The following PCDHAC1 variants were observed in gnomAD, a reference collection of about 807,000 sequenced individuals.
PCDHAC1 encodes protocadherin alpha-C1.
PCDHAC1 carries 42 observed loss-of-function variants against 60.0 expected under a neutral mutation model. The observed-to-expected ratio is 0.70, with a 90% CI of 0.55 to 0.90. The LOEUF is 0.90. PCDHAC1 is among the 40% of genes least tolerant of loss of function. The pLI, the probability that PCDHAC1 is intolerant of heterozygous loss-of-function variation, is 0.00. For missense variants in PCDHAC1, 1,160 were observed against 1,222.3 expected (o/e 0.95, Z 0.76); for synonymous variants, 468 against 499.3 (o/e 0.94, Z 0.84).
chr5:140,951,183 G>A (rs1554219780), intron 1 of PCDHAC1, among the ~76,000 whole-genome samples: 3 of 151,518 alleles, frequency 2.0e-5, no homozygotes, highest in Admixed American at 6.6e-5. Flanking sequence ...GTCATTGTCC[G>A]CTAATTCCCA....
chr5:140,939,090 A>C (rs1563171940), intron 1 of PCDHAC1, among the ~76,000 whole-genome samples: 1 of 152,192 alleles, frequency 6.6e-6, no homozygotes, highest in Non-Finnish European at 1.5e-5. Flanking sequence ...GGGTGGCTTA[A>C]AAACAATAGA....
intron 3 of PCDHAC1, among the ~76,000 whole-genome samples, chr5:141,000,421 A>ATTTTTTTTTTT (rs34755515): frequency 3.6e-5 from 1 of 27,968 alleles, no homozygotes; most frequent in Non-Finnish European, 5.7e-5. Context: ...ATATATATAT[A>ATTTTTTTTTTT]TTTTTTTTTT....
intron 1 of PCDHAC1, among the ~76,000 whole-genome samples, chr5:140,959,469 A>G (rs1180811354): frequency 5.3e-5 from 8 of 152,226 alleles, no homozygotes; most frequent in East Asian, 1.9e-4. Context: ...GTTGGCATCA[A>G]TCAAGGCATA....
At chr5:140,982,317 AG>A in intron 2 of PCDHAC1, 157 bp from the exon 3 acceptor site, 1 of 1,347,244 alleles carries the variant, frequency 7.4e-7, no homozygotes, top group East Asian at 2.5e-5. Flanking sequence ...CAGTTTATGC[AG>A]GGTGACTGCT....
At chr5:140,992,954 C>T (rs1174073844) in intron 3 of PCDHAC1, among the ~76,000 whole-genome samples, 4 of 152,190 alleles carry the variant, frequency 2.6e-5, no homozygotes, top group Non-Finnish European at 5.9e-5. Context: ...TTAAATCACC[C>T]CTTATACTGC....
At chr5:140,947,998 T>C (rs2094201986) in intron 1 of PCDHAC1, among the ~76,000 whole-genome samples, 1 of 122,112 alleles carries the variant, frequency 8.2e-6, no homozygotes, top group Admixed American at 8.2e-5. Flanking sequence ...AAATACTTTA[T>C]TAAATTTAGG....
At chr5:140,941,563 C>T (rs2093116700) in intron 1 of PCDHAC1, among the ~76,000 whole-genome samples, 1 of 151,946 alleles carries the variant, frequency 6.6e-6, no homozygotes, top group Admixed American at 6.6e-5. Context: ...GATCCATTCG[C>T]CTCAGCCTCC....
intron 3 of PCDHAC1, among the ~76,000 whole-genome samples, chr5:140,998,221 C>G (rs1478098925): frequency 1.3e-5 from 2 of 152,160 alleles, no homozygotes; most frequent in Non-Finnish European, 2.9e-5. Flanking sequence ...TAACCACACC[C>G]AGAAATTTGT....
At chr5:141,000,361 GTCTCTCTC>G (rs148596731) in intron 3 of PCDHAC1, among the ~76,000 whole-genome samples, 2,007 of 26,308 alleles carry the variant, frequency 0.076, 129 homozygotes, top group East Asian at 0.15. Context: ...GTCTCTCTCT[GTCTCTCTC>G]TCTCTCTCTC....
chr5:141,002,095 C>G (rs1341792848), intron 3 of PCDHAC1, among the ~76,000 whole-genome samples: 1 of 152,234 alleles, frequency 6.6e-6, no homozygotes, highest in Non-Finnish European at 1.5e-5. Flanking sequence ...AGTCCAGGGG[C>G]TGGGCCGGAA....
rs1554262648 is a variant in PCDHAC1, at chr5:141,010,047, A to G, written c.*110A>G. On this transcript the variant is annotated 3_prime_UTR_variant, in exon 4 of 4. Coordinates refer to ENST00000253807, the MANE Select transcript of PCDHAC1 (RefSeq NM_018898.5). The stretch of plus-strand genomic sequence containing the variant: ...CCTATCTACATGAGCCCTCTTAGAG[A>G]CCTCAGAAATCTGCAGAAAGTTCCC... 1.9e-6 allele frequency: 3 copies of G among 1,595,144 alleles called. No homozygotes were observed. The highest frequency in any genetic ancestry group is 1.7e-6 in the Non-Finnish European group (2 of 1,171,458).
intron 1 of PCDHAC1, 84 bp downstream of exon 1, chr5:140,929,409 T>G: frequency 6.6e-7 from 1 of 1,506,206 alleles, no homozygotes; most frequent in Non-Finnish European, 8.9e-7. Context: ...GACAAGCCTT[T>G]CACAACATTT....
intron 3 of PCDHAC1, among the ~76,000 whole-genome samples, chr5:141,005,808 C>T (rs2153985730): frequency 6.6e-6 from 1 of 150,460 alleles, no homozygotes; most frequent in African/African-American, 2.5e-5. Context: ...CTCCAAGGAG[C>T]CAGGTATGGT....
chr5:140,951,546 G>A (rs962043182), intron 1 of PCDHAC1, among the ~76,000 whole-genome samples: 9 of 151,942 alleles, frequency 5.9e-5, no homozygotes, highest in Non-Finnish European at 8.8e-5. Context: ...CAAGGGACGG[G>A]GGGAAGTGCT....
chr5:140,962,014 G>C (rs2095650512), intron 1 of PCDHAC1, among the ~76,000 whole-genome samples: 1 of 151,888 alleles, frequency 6.6e-6, no homozygotes, highest in African/African-American at 2.4e-5. Flanking sequence ...TTCCCGAGTA[G>C]CTGGGACTAC....
chr5:140,929,480 G>C, intron 1 of PCDHAC1, 155 bp downstream of exon 1: 1 of 1,195,420 alleles, frequency 8.4e-7, no homozygotes, highest in Non-Finnish European at 1.1e-6. Context: ...TGGAAGTATA[G>C]AAGTATTAGA....
Position 141,010,115 on chromosome 5 carries a change from C to A in PCDHAC1, c.*178C>A, listed in dbSNP as rs1037998611. 1.2e-6 allele frequency: 2 copies of A among 1,609,682 alleles called. No individual in the cohort carries two copies. The highest frequency in any genetic ancestry group is 2.2e-5 in the South Asian group (2 of 90,640). ...CATTTAACAGGTTTTGTCGTAAAAG[C>A]TTTACTAAGTCTGGTGTTAACTCTT... On this transcript the variant is annotated 3_prime_UTR_variant, in exon 4 of 4. Transcript: ENST00000253807.
Position 140,927,033 on chromosome 5 carries a change from G to T in PCDHAC1, c.141G>T (p.Ala47=). 1 of 1,612,344 alleles carries T rather than the reference G, an allele frequency of 6.2e-7. No individual in the cohort carries two copies. The highest frequency in any genetic ancestry group is 8.5e-7 in the Non-Finnish European group (1 of 1,178,908). Reference sequence around the variant, plus strand: ...TCTCCGCGGACTTGAGGCTGCCAGCGGCCGCTATGTCCTCGCGGAACTTTC... The same window carrying T: ...TCTCCGCGGACTTGAGGCTGCCAGCTGCCGCTATGTCCTCGCGGAACTTTC... The part of the protein sequence containing the change: ...GNLSADLRLP[A]AAMSSRNFRF... The change falls in exon 1 of 4, where the codon GCG becomes GCT. Residue 47 remains alanine (A), a synonymous_variant. Transcript: ENST00000253807.
chr5:140,964,087 G>T (rs2095809523), intron 1 of PCDHAC1, among the ~76,000 whole-genome samples: 1 of 152,078 alleles, frequency 6.6e-6, no homozygotes, highest in African/African-American at 2.4e-5. Context: ...TTGTAGAAAG[G>T]GTAATTAACA....
Sources: allele counts gnomAD v4.1 joint callset (sites outside exome capture counted in the v4.1 genomes callset), GRCh38; gene constraint gnomAD v4.1.1; transcripts MANE v1.5; gene names NCBI Gene and HGNC (gene_info 2026-07-23, HGNC 2026-07-21).